CCSER1: variants seen among roughly 807,000 people sequenced by gnomAD.
The protein encoded by CCSER1 is serine-rich coiled-coil domain-containing protein 1.
A neutral mutation model predicts 82.0 loss-of-function variants in CCSER1; 41 were observed. The ratio of observed to expected loss-of-function variants is 0.50; its 90% CI spans 0.39 to 0.65. CCSER1 has a LOEUF of 0.65. Ranked by LOEUF, CCSER1 falls within the 30% of genes least tolerant of loss-of-function variation. The pLI is 0.00. For synonymous variants in CCSER1, 414 were observed against 383.9 expected, an observed-to-expected ratio of 1.08 and a Z score of -0.92; for missense variants, 1,119 against 1,064.2, an observed-to-expected ratio of 1.05 and a Z score of -0.72.
chr4:91,116,332 T>C (rs2148882772), intron 10 of CCSER1, among the ~76,000 whole-genome samples: 1 of 152,120 alleles, frequency 6.6e-6, no homozygotes, highest in Admixed American at 6.5e-5. Context: ...CCATGGAAAA[T>C]CCAGGAACTC....
chr4:90,930,190 A>G (rs1202360100), intron 9 of CCSER1, among the ~76,000 whole-genome samples: 1 of 152,132 alleles, frequency 6.6e-6, no homozygotes, highest in East Asian at 1.9e-4. Flanking sequence ...TCTACTTCCA[A>G]CTCATAGATT....
At chr4:90,774,775 A>G (rs2149581694) in intron 7 of CCSER1, among the ~76,000 whole-genome samples, 1 of 152,170 alleles carries the variant, frequency 6.6e-6, no homozygotes, top group East Asian at 1.9e-4. Flanking sequence ...ATATGAAACA[A>G]TTTCCTACAG....
chr4:90,544,183 C>T (rs1421117126), intron 5 of CCSER1, among the ~76,000 whole-genome samples: 5 of 152,112 alleles, frequency 3.3e-5, no homozygotes, highest in Middle Eastern at 3.4e-3. Flanking sequence ...AATCCTTTGT[C>T]GTGGAGAAAA....
At chr4:91,347,587 A>T (rs1748144416) in intron 10 of CCSER1, among the ~76,000 whole-genome samples, 1 of 151,888 alleles carries the variant, frequency 6.6e-6, no homozygotes, top group African/African-American at 2.4e-5. Context: ...AATGTTAAGT[A>T]TTCTTATACA....
At chr4:90,927,954 G>C (rs188294179) in intron 9 of CCSER1, among the ~76,000 whole-genome samples, 1 of 151,850 alleles carries the variant, frequency 6.6e-6, no homozygotes, top group African/African-American at 2.4e-5. Context: ...TATCAATTAG[G>C]CTTTCTCATC....
chr4:90,428,083 T>C (rs1457988932), intron 4 of CCSER1, among the ~76,000 whole-genome samples: 1 of 151,868 alleles, frequency 6.6e-6, no homozygotes, highest in South Asian at 2.1e-4. Context: ...TCTTTTTCTA[T>C]TTTCAGTAGT....
chr4:90,651,732 A>T (rs1371919574), intron 6 of CCSER1, among the ~76,000 whole-genome samples: 1 of 152,106 alleles, frequency 6.6e-6, no homozygotes, highest in Admixed American at 6.5e-5. Context: ...GAAGACAGAG[A>T]TAGCGTTCCC....
At position 91,495,101 on chromosome 4, in the gene CCSER1, G is replaced by T. The variant is rs193119287; in HGVS notation, c.2218-103471G>T. On this transcript the variant is annotated intron_variant, in intron 10 of 10. Transcript: ENST00000509176. ...TGTTGGTTAGTGTGTAATAATTTTC[G>T]AAGAAAAAATATTTTAACTTGTGTA... Among the ~76,000 whole-genome samples, 5 of 151,364 alleles carry T rather than the reference G, an allele frequency of 3.3e-5. No homozygotes were observed. In the East Asian group the frequency reaches 7.7e-4, roughly 23 times the overall value.
chr4:90,931,236 A>G (rs1056758630), intron 9 of CCSER1, among the ~76,000 whole-genome samples: 4 of 151,626 alleles, frequency 2.6e-5, no homozygotes, highest in Admixed American at 6.6e-5. Context: ...TATTTGATGT[A>G]TTATTCCTAT....
At chr4:90,633,485 A>G (rs8180272) in intron 6 of CCSER1, among the ~76,000 whole-genome samples, 72,958 of 151,744 alleles carry the variant, frequency 0.48, 20,838 homozygotes, top group African/African-American at 0.8. Flanking sequence ...TGGCTATGGT[A>G]TTCCTTAACT....
intron 8 of CCSER1, among the ~76,000 whole-genome samples, chr4:90,862,122 A>G (rs1319634386): frequency 6.6e-6 from 1 of 151,840 alleles, no homozygotes; most frequent in East Asian, 1.9e-4. Context: ...AACTTTGTAG[A>G]ACAATTAGAA....
At chr4:90,946,944 G>A (rs1732322603) in intron 9 of CCSER1, among the ~76,000 whole-genome samples, 1 of 152,150 alleles carries the variant, frequency 6.6e-6, no homozygotes, top group Non-Finnish European at 1.5e-5. Context: ...TGTTCAGCAA[G>A]CAACGCTTCT....
chr4:91,489,174 G>T (rs112469145), intron 10 of CCSER1, among the ~76,000 whole-genome samples: 2 of 152,146 alleles, frequency 1.3e-5, no homozygotes, highest in African/African-American at 4.8e-5. Flanking sequence ...TGGAAGAAAA[G>T]AAATGAAGGA....
At chr4:90,501,932 A>G (rs1769942787) in intron 5 of CCSER1, among the ~76,000 whole-genome samples, 1 of 152,170 alleles carries the variant, frequency 6.6e-6, no homozygotes, top group Non-Finnish European at 1.5e-5. Context: ...ATAATTGCTG[A>G]TAGGACTAAT....
chr4:91,132,212 T>C lies in CCSER1; in HGVS notation c.2217+46218T>C, dbSNP rs190100542. On this transcript the variant is annotated intron_variant, in intron 10 of 10. Transcript: ENST00000509176. The stretch of plus-strand genomic sequence containing the variant: ...TTCTATTAAAGAAATGAGTTTTTCA[T>C]AGTTCAGATGACCTTGGTGACTATA... Among the ~76,000 whole-genome samples, 5 of 152,246 alleles carry C rather than the reference T, an allele frequency of 3.3e-5. No individual in the cohort carries two copies. The East Asian group carries it at 9.7e-4, about 29-fold the overall frequency.
chr4:90,352,797 A>C (rs1365400781), intron 3 of CCSER1, among the ~76,000 whole-genome samples: 1 of 152,178 alleles, frequency 6.6e-6, no homozygotes, highest in Non-Finnish European at 1.5e-5. Context: ...TACCTTGAGG[A>C]CTAAGGAAAA....
chr4:91,051,551 T>G (rs1743007291), intron 9 of CCSER1, among the ~76,000 whole-genome samples: 1 of 152,144 alleles, frequency 6.6e-6, no homozygotes, highest in African/African-American at 2.4e-5. Context: ...CTTAAAGATT[T>G]ATGTACAGTT....
intron 9 of CCSER1, among the ~76,000 whole-genome samples, chr4:90,981,161 A>G (rs1013294877): frequency 2.6e-5 from 4 of 151,820 alleles, no homozygotes; most frequent in South Asian, 4.1e-4. Flanking sequence ...AGAGTTTCCC[A>G]GTGGGGTTAG....
chr4:90,370,547 C>T (rs939277888), intron 3 of CCSER1: 6 of 151,952 alleles, frequency 3.9e-5, no homozygotes, highest in African/African-American at 1.4e-4. Context: ...TAAAATTAAA[C>T]ATTATTCATA....
Sources: allele counts gnomAD v4.1 joint callset (sites outside exome capture counted in the v4.1 genomes callset), GRCh38; gene constraint gnomAD v4.1.1; transcripts MANE v1.5; gene names NCBI Gene and HGNC (gene_info 2026-07-23, HGNC 2026-07-21).